Variants in AGXT2 observed in about 807,000 individuals in gnomAD.
AGXT2 encodes the protein alanine--glyoxylate aminotransferase 2.
A neutral mutation model predicts 62.5 loss-of-function variants in AGXT2; 61 were observed. The observed-to-expected ratio is 0.98, with a 90% CI of 0.79 to 1.21. The LOEUF is 1.21. AGXT2 is among the 50% of genes most tolerant of loss of function. The probability of loss-of-function intolerance (pLI) is 0.00; values close to 1 mark genes in which losing one functional copy is unlikely to be tolerated. For synonymous variants in AGXT2, 243 were observed against 218.7 expected (o/e 1.11, Z -0.98); for missense variants, 666 against 641.5 (o/e 1.04, Z -0.41).
chr5:35,034,167 T>C (rs1767681954), intron 5 of AGXT2, among the ~76,000 whole-genome samples: 2 of 152,106 alleles, frequency 1.3e-5, no homozygotes, highest in African/African-American at 4.8e-5. Context: ...TTGTATTAGG[T>C]TGGTGCAAAA....
chr5:35,027,088 A>C (rs1040917230), intron 7 of AGXT2: 2 of 859,148 alleles, frequency 2.3e-6, no homozygotes, highest in African/African-American at 1.8e-5. Flanking sequence ...CTTGTTTTTA[A>C]CAGGACTTTC....
At chr5:35,006,717 T>A (rs184852804) in intron 12 of AGXT2, among the ~76,000 whole-genome samples, 1 of 152,214 alleles carries the variant, frequency 6.6e-6, no homozygotes, top group Non-Finnish European at 1.5e-5. Context: ...TATTTAAAAT[T>A]TTGAGAGCTG....
chr5:35,009,619 T>C (rs1423879636), intron 12 of AGXT2, among the ~76,000 whole-genome samples: 1 of 152,016 alleles, frequency 6.6e-6, no homozygotes, highest in Admixed American at 6.6e-5. Context: ...TCCTAATATA[T>C]ATTTAACCTC....
intron 1 of AGXT2, among the ~76,000 whole-genome samples, chr5:35,041,223 C>CAAAAA (rs3034208): frequency 0.022 from 1,112 of 51,340 alleles, 78 homozygotes; most frequent in African/African-American, 0.078. Context: ...CTCCCCCCGC[C>CAAAAA]AAAAAAAAAA....
At chr5:35,026,606 A>AC in intron 7 of AGXT2, 96 bp from the exon 8 acceptor site, 1 of 1,167,488 alleles carries the variant, frequency 8.6e-7, no homozygotes. Context: ...AAAAAAAAAA[A>AC]CAACCAGACA....
At chr5:35,001,926 C>T (rs573647636) in intron 13 of AGXT2, among the ~76,000 whole-genome samples, 1 of 152,010 alleles carries the variant, frequency 6.6e-6, no homozygotes, top group African/African-American at 2.4e-5. Context: ...GAAGGAAGGA[C>T]CAGATCTTAT....
At chr5:35,041,212 C>A (rs1360493659) in intron 1 of AGXT2, among the ~76,000 whole-genome samples, 2 of 108,010 alleles carry the variant, frequency 1.9e-5, no homozygotes, top group Middle Eastern at 4.7e-3. Context: ...GAAGACAAAA[C>A]CTCCCCCCGC....
Position 34,998,381 on chromosome 5 carries a change from A to G in AGXT2, c.*338T>C. 2 of 320,764 alleles carry G rather than the reference A, an allele frequency of 6.2e-6. No individual in the cohort carries two copies. Among genetic ancestry groups the G allele is most frequent in the Non-Finnish European group, 1.2e-5 (2 of 172,360 alleles). The allele number at this position is 320,764 out of a possible 1,614,324, so 19.9% of individuals were successfully genotyped here. On this transcript the variant is annotated 3_prime_UTR_variant, in exon 14 of 14. Coordinates refer to ENST00000231420, the MANE Select transcript of AGXT2 (RefSeq NM_031900.4). Reference sequence around the variant, plus strand: ...ACTTTCCCTGAAGGCACCTCCACCAAAAGATTTTTCTTCAAGATTCACTGG... The same window carrying G: ...ACTTTCCCTGAAGGCACCTCCACCAGAAGATTTTTCTTCAAGATTCACTGG...
chr5:35,032,770 G>GA lies in AGXT2; in HGVS notation c.730dup (p.Ser244PhefsTer19). 1 of 1,609,888 alleles carries GA rather than the reference G, an allele frequency of 6.2e-7. No homozygotes were observed. Among genetic ancestry groups the GA allele is most frequent in the Non-Finnish European group, 8.5e-7 (1 of 1,178,038 alleles). ...GCACTTCCTGATTGTTTGCACTGGAGAATCTCGACAGTGGCTTCCTCCCCA... is the reference window on the plus strand; with the variant it reads ...GCACTTCCTGATTGTTTGCACTGGAGAAATCTCGACAGTGGCTTCCTCCCCA... On this transcript the variant is annotated frameshift_variant, in exon 7 of 14. Transcript: ENST00000231420. LOFTEE classifies it high-confidence loss of function.
At chr5:35,020,186 CAA>C (rs1001624150) in intron 9 of AGXT2, among the ~76,000 whole-genome samples, 4 of 152,146 alleles carry the variant, frequency 2.6e-5, no homozygotes, top group Admixed American at 2.6e-4. Context: ...CTATTCCAAT[CAA>C]CAGAAAAAGA....
chr5:35,018,094 T>G (rs561016004), intron 9 of AGXT2, among the ~76,000 whole-genome samples: 1 of 152,178 alleles, frequency 6.6e-6, no homozygotes, highest in Non-Finnish European at 1.5e-5. Context: ...AATCTACGTC[T>G]GATTGGTGTA....
rs555993910 is a variant in AGXT2, at chr5:35,022,333, A to G, written c.963+3430T>C. ...GACTTGGAACCAACCCAAATGTCCA[A>G]CAATGATAGACTGGATTAAGAAAAT... On this transcript the variant is annotated intron_variant, in intron 9 of 13. Transcript: ENST00000231420. 4.3e-3 allele frequency among the ~76,000 whole-genome samples: 658 copies of G among 152,040 alleles called. 4 individuals carry two copies. The highest frequency in any genetic ancestry group is 5.4e-3 in the Non-Finnish European group (368 of 67,858).
At chr5:35,029,874 T>A (rs1448989979) in intron 7 of AGXT2, among the ~76,000 whole-genome samples, 1 of 152,168 alleles carries the variant, frequency 6.6e-6, no homozygotes, top group East Asian at 1.9e-4. Context: ...ATATACCATA[T>A]AAACATCTAG....
At chr5:35,009,915 G>A in intron 12 of AGXT2, 85 bp downstream of exon 12, 1 of 1,570,104 alleles carries the variant, frequency 6.4e-7, no homozygotes, top group South Asian at 1.1e-5. Flanking sequence ...CTCTCCTTGA[G>A]AGTAAATGAA....
At chr5:35,033,849 G>T (rs1313507054) in intron 5 of AGXT2, among the ~76,000 whole-genome samples, 2 of 152,198 alleles carry the variant, frequency 1.3e-5, no homozygotes, top group South Asian at 2.1e-4. Context: ...TCATCTTTTA[G>T]CAACAACATA....
chr5:35,035,027 C>G (rs1252306093), intron 5 of AGXT2, among the ~76,000 whole-genome samples, 195 bp downstream of exon 5: 3 of 152,180 alleles, frequency 2.0e-5, no homozygotes, highest in Non-Finnish European at 4.4e-5. Flanking sequence ...GGGGCCCCCT[C>G]TCTTGTATCA....
chr5:35,036,020 T>C (rs1767755344), intron 4 of AGXT2, among the ~76,000 whole-genome samples: 1 of 151,682 alleles, frequency 6.6e-6, no homozygotes, highest in East Asian at 1.9e-4. Context: ...GAGATTGCAG[T>C]GAGCCGAGAT....
At chr5:35,031,583 T>C (rs999208431) in intron 7 of AGXT2, among the ~76,000 whole-genome samples, 2 of 152,220 alleles carry the variant, frequency 1.3e-5, no homozygotes, top group Admixed American at 1.3e-4. Flanking sequence ...GCAGGGCTTG[T>C]TGATTAGCAA....
intron 7 of AGXT2, among the ~76,000 whole-genome samples, chr5:35,027,801 T>G (rs559946464): frequency 6.0e-5 from 9 of 150,298 alleles, no homozygotes; most frequent in Admixed American, 1.3e-4. Flanking sequence ...CTTTAAATTA[T>G]GAGCTTGAGG....
Sources: allele counts gnomAD v4.1 joint callset (sites outside exome capture counted in the v4.1 genomes callset), GRCh38; gene constraint gnomAD v4.1.1; transcripts MANE v1.5; gene names NCBI Gene and HGNC (gene_info 2026-07-23, HGNC 2026-07-21).